Variants in PDE1A observed in about 807,000 individuals in gnomAD.
PDE1A encodes dual specificity calcium/calmodulin-dependent 3',5'-cyclic nucleotide phosphodiesterase 1A.
A neutral mutation model predicts 61.7 loss-of-function variants in PDE1A; 35 were observed. The ratio of observed to expected loss-of-function variants is 0.57; its 90% CI spans 0.43 to 0.75. The LOEUF is 0.75. PDE1A is among the 30% of genes least tolerant of loss of function. PDE1A has a pLI of 0.00. For synonymous variants in PDE1A, 232 were observed against 213.2 expected (o/e 1.09, Z -0.77); for missense variants, 597 against 630.6 (o/e 0.95, Z 0.57).
At chr2:182,689,718 C>CA in the PDE1A span, among the ~76,000 whole-genome samples, 4 of 152,116 alleles carry the variant, frequency 2.6e-5, no homozygotes, top group Admixed American at 2.6e-4. Context: ...AAAAACCCTT[C>CA]AAAAAATCAA....
At chr2:182,511,268 C>T (rs187645853) in intron 2 of PDE1A, among the ~76,000 whole-genome samples, 5 of 151,890 alleles carry the variant, frequency 3.3e-5, no homozygotes, top group East Asian at 1.9e-4. Flanking sequence ...AAGACCGGCA[C>T]GCTCCAAGCA....
chr2:182,658,073 C>CAAAAAA, the PDE1A span, among the ~76,000 whole-genome samples: 1 of 119,568 alleles, frequency 8.4e-6, no homozygotes, highest in South Asian at 2.6e-4. Flanking sequence ...AAAAAAAAAA[C>CAAAAAA]AAAAAAACTT....
chr2:182,182,073 T>A (rs1038101383), intron 13 of PDE1A, among the ~76,000 whole-genome samples: 12 of 152,178 alleles, frequency 7.9e-5, no homozygotes, highest in Non-Finnish European at 1.3e-4. Context: ...ATTTTAGACA[T>A]GTCTTTGATG....
chr2:182,661,405 T>C, the PDE1A span, among the ~76,000 whole-genome samples: 1 of 152,184 alleles, frequency 6.6e-6, no homozygotes. Context: ...CTTCTATATA[T>C]CAGATACCAG....
At chr2:182,349,552 A>G (rs1171137767) in intron 1 of PDE1A, among the ~76,000 whole-genome samples, 1 of 152,206 alleles carries the variant, frequency 6.6e-6, no homozygotes, top group Non-Finnish European at 1.5e-5. Context: ...TAAACCATCA[A>G]TCTTCTGATT....
intron 12 of PDE1A, among the ~76,000 whole-genome samples, 180 bp from the exon 13 acceptor site, chr2:182,186,259 G>C (rs1685195730): frequency 6.6e-6 from 1 of 152,114 alleles, no homozygotes; most frequent in Admixed American, 6.6e-5. Flanking sequence ...ATTCTCCTTA[G>C]TACACACCTT....
At chr2:182,245,387 T>C (rs1453152706) in intron 2 of PDE1A, among the ~76,000 whole-genome samples, 1 of 152,230 alleles carries the variant, frequency 6.6e-6, no homozygotes, top group Non-Finnish European at 1.5e-5. Flanking sequence ...GGACTCACAC[T>C]TTCTGTTGTA....
At chr2:182,370,855 T>C (rs180987719) in intron 1 of PDE1A, among the ~76,000 whole-genome samples, 3 of 152,136 alleles carry the variant, frequency 2.0e-5, no homozygotes, top group Admixed American at 6.5e-5. Flanking sequence ...TGCATTATCA[T>C]TGAACATGCT....
chr2:182,650,060 C>T, the PDE1A span, among the ~76,000 whole-genome samples: 1 of 151,948 alleles, frequency 6.6e-6, no homozygotes, highest in African/African-American at 2.4e-5. Context: ...GTACTCCAGC[C>T]TAGGTGATAG....
chr2:182,714,971 T>C, the PDE1A span, among the ~76,000 whole-genome samples: 99,109 of 151,980 alleles, frequency 0.65, 32,660 homozygotes, highest in Middle Eastern at 0.73. Context: ...TAAAATACAA[T>C]CTCAGTCTCT....
intron 2 of PDE1A, among the ~76,000 whole-genome samples, chr2:182,256,035 CTTCTTTT>C (rs1691760658): frequency 2.3e-5 from 1 of 42,680 alleles, no homozygotes; most frequent in Admixed American, 3.5e-4. Context: ...CCAAGGATGA[CTTCTTTT>C]TTTTTTTTTT....
the PDE1A span, among the ~76,000 whole-genome samples, chr2:182,639,235 T>C: frequency 1.3e-5 from 2 of 150,578 alleles, no homozygotes; most frequent in African/African-American, 2.4e-5. Context: ...AAGCAGAGAG[T>C]AAGAAAACAG....
At chr2:182,386,580 T>G (rs972330275) in intron 1 of PDE1A, among the ~76,000 whole-genome samples, 10 of 148,846 alleles carry the variant, frequency 6.7e-5, no homozygotes, top group Middle Eastern at 3.6e-3. Flanking sequence ...AGCCACCCCG[T>G]CTGAGAAGTG....
intron 1 of PDE1A, among the ~76,000 whole-genome samples, chr2:182,285,793 C>A (rs1048482322): frequency 3.9e-5 from 6 of 152,094 alleles, no homozygotes; most frequent in Non-Finnish European, 7.4e-5. Context: ...GTCTAACCTG[C>A]AGCCTGGAGC....
At chr2:182,183,673 A>T (rs777451875) in intron 13 of PDE1A, among the ~76,000 whole-genome samples, 77 of 151,992 alleles carry the variant, frequency 5.1e-4, no homozygotes, top group Non-Finnish European at 9.3e-4. Context: ...ATTTATAGTC[A>T]GTTTTAAAAT....
chr2:182,637,938 A>G, the PDE1A span, among the ~76,000 whole-genome samples: 2 of 152,130 alleles, frequency 1.3e-5, no homozygotes, highest in South Asian at 4.1e-4. Flanking sequence ...ACAAAAAGTC[A>G]AAGTCATACA....
At chr2:182,284,799 A>C (rs1027207636) in intron 1 of PDE1A, among the ~76,000 whole-genome samples, 7 of 152,152 alleles carry the variant, frequency 4.6e-5, no homozygotes, top group African/African-American at 1.7e-4. Flanking sequence ...GAAATAAAAC[A>C]ATAATAACTA....
At chr2:182,592,990 G>A in the PDE1A span, among the ~76,000 whole-genome samples, 4 of 152,062 alleles carry the variant, frequency 2.6e-5, no homozygotes, top group African/African-American at 9.7e-5. Context: ...CACCTAGAAG[G>A]AGGTTCAGTT....
chr2:182,445,062 G>A (rs1185191407), intron 2 of PDE1A, among the ~76,000 whole-genome samples: 3 of 152,144 alleles, frequency 2.0e-5, no homozygotes, highest in African/African-American at 7.2e-5. Context: ...GGAAATGCAT[G>A]ATGTGATGGT....
Sources: gnomAD v4.1 joint callset for allele counts (sites outside exome capture counted in the v4.1 genomes callset) on GRCh38, gnomAD v4.1.1 for gene constraint, MANE v1.5 for transcripts, NCBI Gene and HGNC (gene_info 2026-07-23, HGNC 2026-07-21) for gene names.